TRPC5: variants seen among roughly 807,000 people sequenced by gnomAD.
TRPC5 encodes the protein transient receptor potential cation channel subfamily C member 5.
Under a neutral mutation model 56.5 loss-of-function variants are expected in TRPC5, and 9 were observed. The ratio of observed to expected loss-of-function variants is 0.16; its 90% CI spans 0.10 to 0.28. The LOEUF is 0.28. Ranked by LOEUF, TRPC5 falls within the 10% of genes least tolerant of loss-of-function variation. TRPC5 has a pLI of 1.00. For missense variants in TRPC5, 469 were observed against 748.9 expected, an observed-to-expected ratio of 0.63 and a Z score of 4.36; for synonymous variants, 282 against 278.5, an observed-to-expected ratio of 1.01 and a Z score of -0.13.
chrX:111,803,913 G>T (rs1423533994), intron 7 of TRPC5, among the ~76,000 whole-genome samples: 1 of 112,053 alleles, frequency 8.9e-6, no homozygotes, highest in Non-Finnish European at 1.9e-5. Context: ...TTTTAGTCAT[G>T]AAGTCCTTGC....
chrX:111,912,935 C>T (rs41311741), intron 2 of TRPC5, 123 bp from the exon 3 acceptor site: 81,966 of 710,760 alleles, frequency 0.12, 4,338 homozygotes, highest in African/African-American at 0.34. Context: ...ATTCTTTTGA[C>T]CTCCTAAACC....
At chrX:112,003,774 G>A (rs1928762333) in intron 1 of TRPC5, among the ~76,000 whole-genome samples, 1 of 111,092 alleles carries the variant, frequency 9.0e-6, no homozygotes, top group South Asian at 3.9e-4. Flanking sequence ...AGCAAGAGGG[G>A]AGCAATGAGA....
At chrX:111,808,333 C>T (rs192602310) in intron 7 of TRPC5, among the ~76,000 whole-genome samples, 3 of 110,293 alleles carry the variant, frequency 2.7e-5, no homozygotes, top group Non-Finnish European at 5.7e-5. Context: ...GAGCTGGCAC[C>T]CAAGCCACAA....
Position 111,994,826 on chromosome X carries a change from A to T in TRPC5, c.-21-42385T>A, listed in dbSNP as rs1388327984. 4.5e-5 allele frequency among the ~76,000 whole-genome samples: 5 copies of T among 112,036 alleles called. No homozygotes were observed. In the East Asian group the frequency reaches 1.4e-3, roughly 31 times the overall value. ...GGGCTGAGACGATGGGGTTTTCTAA[A>T]TATACAATCATGTCATCTCCAAACA... On this transcript the variant is annotated intron_variant, in intron 1 of 10. Coordinates refer to ENST00000262839, the MANE Select transcript of TRPC5 (RefSeq NM_012471.3).
chrX:111,953,752 C>T (rs1927155968), intron 1 of TRPC5, among the ~76,000 whole-genome samples: 2 of 112,570 alleles, frequency 1.8e-5, no homozygotes, highest in African/African-American at 6.5e-5. Context: ...GAAGCTTCCA[C>T]CAACATTTAC....
intron 4 of TRPC5, 81 bp downstream of exon 4, chrX:111,853,689 A>T: frequency 1.0e-6 from 1 of 994,326 alleles, no homozygotes; most frequent in Non-Finnish European, 1.4e-6. Flanking sequence ...GTTCAGAGCT[A>T]GTCTGACTGC....
chrX:112,048,580 A>G (rs1237117781), intron 1 of TRPC5, among the ~76,000 whole-genome samples: 1 of 108,742 alleles, frequency 9.2e-6, no homozygotes, highest in Non-Finnish European at 1.9e-5. Flanking sequence ...GAGGGAGGGA[A>G]GGATTACCAC....
rs1946035973 is a variant in TRPC5, at chrX:111,793,227, G to T, written c.1897-11089C>A. ...AGAGTCCCATCAGCGTCCCGAAGGA[G>T]CCTCTCCCAGAACTCTTGTACAGAA... On this transcript the variant is annotated intron_variant, in intron 7 of 10. Coordinates refer to ENST00000262839, the MANE Select transcript of TRPC5 (RefSeq NM_012471.3). Among the ~76,000 whole-genome samples the T allele has an allele frequency of 3.6e-5, 4 of 111,438 alleles. No individual in the cohort carries two copies. The South Asian group carries it at 1.6e-3, about 43-fold the overall frequency.
chrX:111,968,323 C>A (rs1927667011), intron 1 of TRPC5, among the ~76,000 whole-genome samples: 1 of 111,311 alleles, frequency 9.0e-6, no homozygotes, highest in African/African-American at 3.3e-5. Flanking sequence ...AGTCAGGAAA[C>A]AACAGGTGCT....
At chrX:111,980,970 T>C (rs1928065965) in intron 1 of TRPC5, among the ~76,000 whole-genome samples, 1 of 106,771 alleles carries the variant, frequency 9.4e-6, no homozygotes, top group African/African-American at 3.4e-5. Context: ...AGAACTCTAA[T>C]ACATAAATTT....
At chrX:112,018,696 C>T (rs1452232161) in intron 1 of TRPC5, among the ~76,000 whole-genome samples, 2 of 112,170 alleles carry the variant, frequency 1.8e-5, no homozygotes, top group South Asian at 3.7e-4. Flanking sequence ...ATAGCATAAA[C>T]GTATTAATTC....
chrX:111,979,445 A>G (rs1928020158), intron 1 of TRPC5, among the ~76,000 whole-genome samples: 1 of 111,612 alleles, frequency 9.0e-6, no homozygotes, highest in Admixed American at 9.6e-5. Flanking sequence ...CAAAAGTATA[A>G]TCTATAATAG....
rs191151207 is a variant in TRPC5 at position 111,785,553 on chromosome X, G to A, written c.1897-3415C>T. On this transcript the variant is annotated intron_variant, in intron 7 of 10. Transcript: ENST00000262839. ...CACCAACAATGGAAGAAAGCTGGAC[G>A]GAGAATCACTTTCACGAGTTCACAG... is the stretch of plus-strand genomic sequence containing the variant. Among the ~76,000 whole-genome samples, 391 of 111,962 alleles carry A rather than the reference G, an allele frequency of 3.5e-3. 1 individual carries two copies. Among genetic ancestry groups the A allele is most frequent in the Non-Finnish European group, 6.2e-3 (329 of 53,202 alleles).
At chrX:111,946,529 C>A (rs1325727986) in intron 2 of TRPC5, among the ~76,000 whole-genome samples, 1 of 111,987 alleles carries the variant, frequency 8.9e-6, no homozygotes. Flanking sequence ...ACAGAGCTGG[C>A]ATTACTAGCC....
intron 3 of TRPC5, among the ~76,000 whole-genome samples, 158 bp downstream of exon 3, chrX:111,912,132 AG>A (rs765410300): frequency 7.9e-4 from 89 of 112,031 alleles, no homozygotes; most frequent in Non-Finnish European, 1.6e-3. Context: ...AAATACAAAA[AG>A]GTTGTCTGTG....
At chrX:111,911,350 A>G in intron 3 of TRPC5, among the ~76,000 whole-genome samples, 1 of 112,422 alleles carries the variant, frequency 8.9e-6, no homozygotes, top group Non-Finnish European at 1.9e-5. Context: ...ACAATCCCCT[A>G]TGAAGTGAAG....
rs192748462 is a variant in TRPC5, at chrX:111,812,417, C to T, written c.1896+22504G>A. 3.1e-4 allele frequency among the ~76,000 whole-genome samples: 35 copies of T among 111,687 alleles called. No homozygotes were observed. The East Asian group carries it at 7.9e-3, about 25-fold the overall frequency. ...ATTGCTCCCATTCCTCTGGTGCTCACGTGACCTCACGTTGGGAATTATTAT... is the reference window on the plus strand; with the variant it reads ...ATTGCTCCCATTCCTCTGGTGCTCATGTGACCTCACGTTGGGAATTATTAT... On this transcript the variant is annotated intron_variant, in intron 7 of 10. Transcript: ENST00000262839.
Position 111,950,379 on chromosome X carries a change from G to A in TRPC5, c.378+1664C>T, listed in dbSNP as rs947144573. Among the ~76,000 whole-genome samples, 18 of 111,414 alleles carry A rather than the reference G, an allele frequency of 1.6e-4. No homozygotes were observed. The Middle Eastern group carries it at 0.014, about 87-fold the overall frequency. The stretch of plus-strand genomic sequence containing the variant: ...ATGCAGCAACCTGGATGAGACTGGA[G>A]ACCATTTTCCTAAGTGAAGTAATTC... On this transcript the variant is annotated intron_variant, in intron 2 of 10. Coordinates refer to ENST00000262839, the MANE Select transcript of TRPC5 (RefSeq NM_012471.3).
At chrX:112,021,736 G>A (rs749311290) in intron 1 of TRPC5, among the ~76,000 whole-genome samples, 22 of 112,329 alleles carry the variant, frequency 2.0e-4, no homozygotes, top group Non-Finnish European at 3.9e-4. Context: ...CAAGGCTACT[G>A]TGTGTGTTAT....
Sources: gnomAD v4.1 joint callset for allele counts (sites outside exome capture counted in the v4.1 genomes callset) on GRCh38, gnomAD v4.1.1 for gene constraint, MANE v1.5 for transcripts, NCBI Gene and HGNC (gene_info 2026-07-23, HGNC 2026-07-21) for gene names.